AK9: variants seen among roughly 807,000 people sequenced by gnomAD.
The protein encoded by AK9 is adenylate kinase 9.
Under a neutral mutation model 239.6 loss-of-function variants are expected in AK9, and 191 were observed. The ratio of observed to expected loss-of-function variants is 0.80; its 90% CI spans 0.71 to 0.90. AK9 has a LOEUF of 0.90. Ranked by LOEUF, AK9 falls within the 40% of genes least tolerant of loss-of-function variation. The pLI, the probability that AK9 is intolerant of heterozygous loss-of-function variation, is 0.00. For synonymous variants in AK9, 689 were observed against 721.0 expected (o/e 0.96, Z 0.71); for missense variants, 1,995 against 2,214.7 (o/e 0.90, Z 1.99).
chr6:109,610,654 A>C (rs1793466921), intron 16 of AK9, 141 bp from the exon 17 acceptor site: 1 of 943,898 alleles, frequency 1.1e-6, no homozygotes, highest in Non-Finnish European at 1.5e-6. Flanking sequence ...AAGGAGGGAG[A>C]AATAAGACTC....
At chr6:109,680,325 C>T (rs993815350) in intron 1 of AK9, among the ~76,000 whole-genome samples, 4 of 151,904 alleles carry the variant, frequency 2.6e-5, no homozygotes, top group Admixed American at 1.3e-4. Context: ...TTTCAATAGC[C>T]GAATCGATCA....
intron 1 of AK9, among the ~76,000 whole-genome samples, chr6:109,680,468 T>C (rs1772451577): frequency 6.6e-6 from 1 of 152,040 alleles, no homozygotes; most frequent in African/African-American, 2.4e-5. Context: ...AAAGACCAAA[T>C]CTACATTTGG....
chr6:109,640,514 C>T (rs915991637), intron 10 of AK9, among the ~76,000 whole-genome samples: 1 of 152,220 alleles, frequency 6.6e-6, no homozygotes, highest in African/African-American at 2.4e-5. Flanking sequence ...TCTTCTGCAT[C>T]GATCCCGCTG....
intron 27 of AK9, among the ~76,000 whole-genome samples, chr6:109,535,841 A>C (rs1781903833): frequency 6.6e-6 from 1 of 152,208 alleles, no homozygotes; most frequent in African/African-American, 2.4e-5. Context: ...CAGTTTTCCC[A>C]GCACCATTTA....
chr6:109,621,827 G>T (rs1461583452), intron 12 of AK9, among the ~76,000 whole-genome samples: 2 of 135,200 alleles, frequency 1.5e-5, no homozygotes, highest in Admixed American at 1.6e-4. Context: ...CACCAGCATG[G>T]CACATGTATA....
chr6:109,499,091 C>A lies in AK9; in HGVS notation c.4999G>T (p.Glu1667Ter). Residue 1667 changes from glutamate to a stop codon, truncating the protein, a stop_gained, in exon 36 of 41, where the codon GAG becomes TAG. Coordinates refer to ENST00000424296, the MANE Select transcript of AK9 (RefSeq NM_001145128.3). LOFTEE classifies it high-confidence loss of function. ...ATTTTATAGTAGTGCCCCCTGAACT[C>A]TGCTGCAAATTCCAAGGAGTCAGTT... ...SATDSLEFAA[E>*]FRGHYYKMSS... 1 of 1,602,620 alleles carries A rather than the reference C, an allele frequency of 6.2e-7. No homozygotes were observed. The highest frequency in any genetic ancestry group is 1.7e-5 in the Admixed American group (1 of 58,070).
chr6:109,667,038 G>C (rs1358249517), intron 5 of AK9, among the ~76,000 whole-genome samples: 1 of 152,184 alleles, frequency 6.6e-6, no homozygotes, highest in Non-Finnish European at 1.5e-5. Flanking sequence ...TTTCTCTTGG[G>C]TAAGGATATA....
In AK9 at chr6:109,597,377, T is replaced by A. The variant is rs536701205; in HGVS notation, c.1843-11305A>T. On this transcript the variant is annotated intron_variant, in intron 17 of 40. Coordinates refer to ENST00000424296, the MANE Select transcript of AK9 (RefSeq NM_001145128.3). The stretch of plus-strand genomic sequence containing the variant: ...TGAAACAAACGTTAAAAATTTTCTT[T>A]AAAAATTTTTTTTTGCCGGGCGCGG... Among the ~76,000 whole-genome samples the A allele has an allele frequency of 1.2e-3, 179 of 152,236 alleles. 1 individual carries two copies. The highest frequency in any genetic ancestry group is 4.1e-3 in the African/African-American group (171 of 41,542).
At chr6:109,688,730 C>G (rs1351236251) in intron 1 of AK9, among the ~76,000 whole-genome samples, 1 of 152,096 alleles carries the variant, frequency 6.6e-6, no homozygotes, top group Non-Finnish European at 1.5e-5. Flanking sequence ...TATCAGGGGA[C>G]CCAGTAAAGG....
chr6:109,637,160 T>C (rs1013645711), intron 10 of AK9, among the ~76,000 whole-genome samples: 1 of 152,230 alleles, frequency 6.6e-6, no homozygotes, highest in Non-Finnish European at 1.5e-5. Context: ...ATATTGAGCA[T>C]CTTTTCATGT....
At chr6:109,522,915 T>C (rs1365817180) in intron 29 of AK9, among the ~76,000 whole-genome samples, 1 of 152,140 alleles carries the variant, frequency 6.6e-6, no homozygotes. Context: ...GCCCCAAAAA[T>C]AAAAGGTATC....
chr6:109,614,991 T>C lies in AK9; in HGVS notation c.1400-511A>G, dbSNP rs190495605. On this transcript the variant is annotated intron_variant, in intron 13 of 40. Transcript: ENST00000424296. Reference sequence around the variant, plus strand: ...AGTTTGCAGCATATGAGAGATAGCATCTATTGCTATATTCCAGTGGGAGAA... The same window carrying C: ...AGTTTGCAGCATATGAGAGATAGCACCTATTGCTATATTCCAGTGGGAGAA... Among the ~76,000 whole-genome samples, 4 of 152,346 alleles carry C rather than the reference T, an allele frequency of 2.6e-5. No individual in the cohort carries two copies. The East Asian group carries it at 7.7e-4, about 29-fold the overall frequency.
intron 12 of AK9, among the ~76,000 whole-genome samples, chr6:109,622,548 T>A (rs1056048434): frequency 1.4e-5 from 2 of 145,378 alleles, no homozygotes; most frequent in South Asian, 4.2e-4. Flanking sequence ...AATATTAAAT[T>A]GCATATTATA....
At chr6:109,521,627 T>C (rs1779873647) in intron 29 of AK9, among the ~76,000 whole-genome samples, 1 of 152,222 alleles carries the variant, frequency 6.6e-6, no homozygotes, top group South Asian at 2.1e-4. Context: ...CAGCATTTGA[T>C]TGATTCTGAA....
chr6:109,611,966 G>T, intron 16 of AK9, 44 bp downstream of exon 16: 1 of 1,321,214 alleles, frequency 7.6e-7, no homozygotes. Context: ...GTGTTTTTTA[G>T]AACCACAATC....
At chr6:109,563,818 T>G (rs1260535700) in intron 23 of AK9, 106 bp from the exon 24 acceptor site, 1 of 1,313,084 alleles carries the variant, frequency 7.6e-7, no homozygotes. Flanking sequence ...ATTATTAGTC[T>G]CTTAGATTAA....
chr6:109,553,676 A>G (rs753653941), intron 24 of AK9, among the ~76,000 whole-genome samples: 4 of 152,126 alleles, frequency 2.6e-5, no homozygotes, highest in Non-Finnish European at 5.9e-5. Context: ...CTCTCTTCCT[A>G]TTTGAATACC....
chr6:109,621,902 A>C (rs1409427106), intron 12 of AK9, among the ~76,000 whole-genome samples: 10 of 98,486 alleles, frequency 1.0e-4, no homozygotes, highest in African/African-American at 1.8e-4. Flanking sequence ...TTAAAAAAAA[A>C]AAAAAAAAAA....
intron 21 of AK9, among the ~76,000 whole-genome samples, chr6:109,572,808 G>C (rs757809219): frequency 2.0e-5 from 3 of 152,108 alleles, no homozygotes; most frequent in Non-Finnish European, 4.4e-5. Flanking sequence ...GCATTTGCAA[G>C]CCTCATTCCC....
Sources: allele counts gnomAD v4.1 joint callset (sites outside exome capture counted in the v4.1 genomes callset), GRCh38; gene constraint gnomAD v4.1.1; transcripts MANE v1.5; gene names NCBI Gene and HGNC (gene_info 2026-07-23, HGNC 2026-07-21).